Variants in FAM78B observed in about 807,000 individuals in gnomAD.
FAM78B encodes protein FAM78B.
Under a neutral mutation model 20.0 loss-of-function variants are expected in FAM78B, and 10 were observed. The observed-to-expected ratio is 0.50, with a 90% confidence interval of 0.31 to 0.85. FAM78B has a LOEUF of 0.85. Ranked by LOEUF, FAM78B falls within the 40% of genes least tolerant of loss-of-function variation. The pLI, the probability that FAM78B is intolerant of heterozygous loss-of-function variation, is 0.05. For missense variants in FAM78B, 283 were observed against 345.0 expected, an observed-to-expected ratio of 0.82 and a Z score of 1.42; for synonymous variants, 135 against 132.8, an observed-to-expected ratio of 1.02 and a Z score of -0.12.
intron 1 of FAM78B, among the ~76,000 whole-genome samples, chr1:166,116,133 A>G (rs1424421811): frequency 6.6e-6 from 1 of 151,946 alleles, no homozygotes; most frequent in African/African-American, 2.4e-5. Context: ...TGCATTCTGC[A>G]GCTTTCATGT....
intron 1 of FAM78B, among the ~76,000 whole-genome samples, chr1:166,115,926 GA>G (rs1654236738): frequency 6.6e-6 from 1 of 152,228 alleles, no homozygotes; most frequent in South Asian, 2.1e-4. Context: ...TCAAAGGTGT[GA>G]AGGTCTTTTC....
At chr1:166,093,475 G>A (rs1653157155) in intron 1 of FAM78B, among the ~76,000 whole-genome samples, 1 of 152,140 alleles carries the variant, frequency 6.6e-6, no homozygotes, top group Admixed American at 6.5e-5. Flanking sequence ...CAGAAGAGAA[G>A]AAACAGAAAC....
At chr1:166,155,447 G>A (rs1336604623) in intron 1 of FAM78B, among the ~76,000 whole-genome samples, 1 of 152,102 alleles carries the variant, frequency 6.6e-6, no homozygotes, top group Admixed American at 6.5e-5. Context: ...AAAGCATCTG[G>A]CACACACTAG....
At chr1:166,162,218 G>T (rs1247742030) in intron 1 of FAM78B, among the ~76,000 whole-genome samples, 1 of 152,150 alleles carries the variant, frequency 6.6e-6, no homozygotes, top group Non-Finnish European at 1.5e-5. Context: ...GATCAGCTTG[G>T]ACTAAACTGA....
At position 166,107,407 on chromosome 1, in the gene FAM78B, T is replaced by G. The variant is rs549477240; in HGVS notation, c.264-36644A>C. ...CATAAACTAGAAAATCTGGAAGAGATAGAAAAATTCCTGGAAAAACACAAC... is the reference window on the plus strand; with the variant it reads ...CATAAACTAGAAAATCTGGAAGAGAGAGAAAAATTCCTGGAAAAACACAAC... On this transcript the variant is annotated intron_variant, in intron 1 of 1. Coordinates refer to ENST00000354422, the MANE Select transcript of FAM78B (RefSeq NM_001017961.5). Among the ~76,000 whole-genome samples, 3 of 152,044 alleles carry G rather than the reference T, an allele frequency of 2.0e-5. 1 individual carries two copies. The highest frequency in any genetic ancestry group is 1.3e-4 in the Admixed American group (2 of 15,258).
chr1:166,102,842 T>C (rs1296631741), intron 1 of FAM78B, among the ~76,000 whole-genome samples: 3 of 152,098 alleles, frequency 2.0e-5, no homozygotes, highest in Admixed American at 1.3e-4. Context: ...TGAACTCAGC[T>C]CTGCACCAAG....
chr1:166,104,221 T>C (rs928101955), intron 1 of FAM78B, among the ~76,000 whole-genome samples: 1 of 152,194 alleles, frequency 6.6e-6, no homozygotes, highest in Admixed American at 6.5e-5. Flanking sequence ...ATAAGAGCTA[T>C]TTATGACAAA....
rs1553219474 is a variant in FAM78B at position 166,109,888 on chromosome 1, A to ATATATGTATATATG, written c.264-39126_264-39125insCATATATACATATA. Among the ~76,000 whole-genome samples the ATATATGTATATATG allele has an allele frequency of 1.8e-4, 5 of 27,614 alleles. 1 individual carries two copies. Among genetic ancestry groups the ATATATGTATATATG allele is most frequent in the African/African-American group, 5.1e-4 (3 of 5,856 alleles). The allele number at this position is 27,614 out of a possible 152,430, so 18.1% of individuals were successfully genotyped here. A position where few individuals can be genotyped will look rare whatever the true frequency, so the allele number is the denominator to read the frequency against. On this transcript the variant is annotated intron_variant, in intron 1 of 1. Coordinates refer to ENST00000354422, the MANE Select transcript of FAM78B (RefSeq NM_001017961.5). ...TATGTGTATATATATATATGTATAT[A>ATATATGTATATATG]TGTATATATATATATATATATATAT...
At chr1:166,079,911 C>G (rs944005427) in intron 1 of FAM78B, among the ~76,000 whole-genome samples, 4 of 152,192 alleles carry the variant, frequency 2.6e-5, no homozygotes, top group African/African-American at 4.8e-5. Flanking sequence ...ACAGTTCCAA[C>G]CTGGAATGTT....
At chr1:166,152,385 C>T (rs1275761321) in intron 1 of FAM78B, among the ~76,000 whole-genome samples, 1 of 152,194 alleles carries the variant, frequency 6.6e-6, no homozygotes, top group Non-Finnish European at 1.5e-5. Context: ...TCGTGAGAAA[C>T]TAGGCCCACC....
intron 1 of FAM78B, among the ~76,000 whole-genome samples, chr1:166,074,952 G>A (rs143389159): frequency 6.6e-6 from 1 of 152,172 alleles, no homozygotes; most frequent in Non-Finnish European, 1.5e-5. Flanking sequence ...TTGGAATAGA[G>A]ATAGGCATTC....
At chr1:166,164,170 C>T (rs1014069094) in intron 1 of FAM78B, among the ~76,000 whole-genome samples, 5 of 152,202 alleles carry the variant, frequency 3.3e-5, no homozygotes, top group African/African-American at 9.6e-5. Context: ...CAGAGAGTTC[C>T]GCTGTGCAGT....
At chr1:166,126,086 A>G (rs903055047) in intron 1 of FAM78B, among the ~76,000 whole-genome samples, 4 of 152,062 alleles carry the variant, frequency 2.6e-5, no homozygotes, top group African/African-American at 7.2e-5. Context: ...TGCCCACCTC[A>G]GCCTCCCAAA....
chr1:166,121,824 G>C (rs565745568), intron 1 of FAM78B, among the ~76,000 whole-genome samples: 2 of 152,234 alleles, frequency 1.3e-5, no homozygotes, highest in African/African-American at 4.8e-5. Flanking sequence ...ATGGAGCCAG[G>C]TCATCTGGCT....
chr1:166,080,443 T>C (rs1302747511), intron 1 of FAM78B, among the ~76,000 whole-genome samples: 1 of 152,208 alleles, frequency 6.6e-6, no homozygotes, highest in African/African-American at 2.4e-5. Flanking sequence ...ATATTAATAG[T>C]TCTGATAACA....
intron 1 of FAM78B, among the ~76,000 whole-genome samples, chr1:166,158,952 T>C (rs564398669): frequency 1.3e-5 from 2 of 152,352 alleles, no homozygotes; most frequent in African/African-American, 4.8e-5. Flanking sequence ...GACAGCCACT[T>C]CTTGTGGCCT....
At chr1:166,138,305 T>C (rs1444314911) in intron 1 of FAM78B, among the ~76,000 whole-genome samples, 2 of 152,132 alleles carry the variant, frequency 1.3e-5, no homozygotes, top group Non-Finnish European at 2.9e-5. Flanking sequence ...ACTCACTCTC[T>C]CTGGTCCTTC....
intron 1 of FAM78B, among the ~76,000 whole-genome samples, chr1:166,149,141 G>A (rs1016466622): frequency 1.3e-5 from 2 of 152,114 alleles, no homozygotes; most frequent in Non-Finnish European, 2.9e-5. Context: ...ATGATTTATA[G>A]TCCTTTGGGT....
At chr1:166,093,889 G>A (rs1473398732) in intron 1 of FAM78B, among the ~76,000 whole-genome samples, 1 of 151,972 alleles carries the variant, frequency 6.6e-6, no homozygotes, top group Admixed American at 6.6e-5. Context: ...TACAGAATAG[G>A]GCTGCTGCAG....
Sources: allele counts gnomAD v4.1 joint callset (sites outside exome capture counted in the v4.1 genomes callset), GRCh38; gene constraint gnomAD v4.1.1; transcripts MANE v1.5; gene names NCBI Gene and HGNC (gene_info 2026-07-23, HGNC 2026-07-21).